ZFHX3: variants seen among roughly 807,000 people sequenced by gnomAD.
The protein encoded by ZFHX3 is zinc finger homeobox 3.
Under a neutral mutation model 279.1 loss-of-function variants are expected in ZFHX3, and 42 were observed. The ratio of observed to expected loss-of-function variants is 0.15; its 90% CI spans 0.12 to 0.19. The LOEUF is 0.19. Among genes scored for constraint, ZFHX3 ranks in the 10% least tolerant of loss-of-function variants. The pLI, the probability that ZFHX3 is intolerant of heterozygous loss-of-function variation, is 1.00. For missense variants in ZFHX3, 4,981 were observed against 4,754.0 expected, an observed-to-expected ratio of 1.05 and a Z score of -1.40; for synonymous variants, 2,293 against 1,957.8, an observed-to-expected ratio of 1.17 and a Z score of -4.52.
At chr16:73,104,221 G>GTATGTATGTATGTATTTATT (rs57972353) in intron 7 of ZFHX3, among the ~76,000 whole-genome samples, 53 of 151,624 alleles carry the variant, frequency 3.5e-4, no homozygotes, top group African/African-American at 1.2e-3. Context: ...TTTATTTTAT[G>GTATGTATGTATGTATTTATT]TATTTATTTA....
chr16:73,141,129 C>T (rs943481870), intron 6 of ZFHX3, among the ~76,000 whole-genome samples: 3 of 152,148 alleles, frequency 2.0e-5, no homozygotes, highest in Admixed American at 6.5e-5. Flanking sequence ...TATAATACCA[C>T]GCCTATGACC....
chr16:73,184,464 T>C (rs561076478), intron 5 of ZFHX3, among the ~76,000 whole-genome samples: 1 of 152,332 alleles, frequency 6.6e-6, no homozygotes, highest in East Asian at 1.9e-4. Context: ...TGTTTATGGC[T>C]TGGCTGCTTC....
At chr16:73,402,897 T>TA (rs67673404) in intron 3 of ZFHX3, among the ~76,000 whole-genome samples, 119 of 141,910 alleles carry the variant, frequency 8.4e-4, no homozygotes, top group East Asian at 2.7e-3. Context: ...ATATGGAAAA[T>TA]AAAAAAAAAA....
intron 1 of ZFHX3, among the ~76,000 whole-genome samples, chr16:72,971,878 A>C (rs970710049): frequency 2.1e-5 from 2 of 95,466 alleles, no homozygotes; most frequent in African/African-American, 8.9e-5. Flanking sequence ...CTGCCTATTA[A>C]TTTTTTTTTT....
chr16:73,787,034 T>A (rs150130350), intron 1 of ZFHX3, among the ~76,000 whole-genome samples: 1 of 152,354 alleles, frequency 6.6e-6, no homozygotes, highest in African/African-American at 2.4e-5. Context: ...ATTTCTTTTG[T>A]GCCATAATTT....
At chr16:72,843,896 T>C (rs2037412096) in intron 4 of ZFHX3, among the ~76,000 whole-genome samples, 1 of 152,182 alleles carries the variant, frequency 6.6e-6, no homozygotes, top group Admixed American at 6.5e-5. Context: ...GCCAATCCTG[T>C]TTCCAGGCAC....
chr16:73,723,288 A>T (rs1214742319), intron 1 of ZFHX3, among the ~76,000 whole-genome samples: 5 of 152,226 alleles, frequency 3.3e-5, no homozygotes, highest in Non-Finnish European at 7.3e-5. Flanking sequence ...AACAAAAAAA[A>T]GGCATAAGAA....
chr16:73,289,408 A>G (rs2014713241), intron 4 of ZFHX3, among the ~76,000 whole-genome samples: 1 of 152,072 alleles, frequency 6.6e-6, no homozygotes, highest in East Asian at 1.9e-4. Flanking sequence ...GGGTGACTCA[A>G]AACAGCATCT....
intron 2 of ZFHX3, among the ~76,000 whole-genome samples, chr16:73,559,817 G>GCTGGACAATTTTCCATTGTC (rs1281816227): frequency 1.3e-5 from 2 of 152,160 alleles, no homozygotes; most frequent in African/African-American, 2.4e-5. Flanking sequence ...AAATCATTAA[G>GCTGGACAATTTTCCATTGTC]CAGCAGCATC....
At chr16:73,012,695 A>C (rs1849942617) in intron 1 of ZFHX3, among the ~76,000 whole-genome samples, 1 of 152,234 alleles carries the variant, frequency 6.6e-6, no homozygotes, top group African/African-American at 2.4e-5. Context: ...ATTTGATAGA[A>C]GTATTTTCCA....
At chr16:73,296,879 T>TTTTTTTTTTG (rs2014927985) in intron 4 of ZFHX3, among the ~76,000 whole-genome samples, 2 of 38,606 alleles carry the variant, frequency 5.2e-5, no homozygotes, top group African/African-American at 1.2e-4. Flanking sequence ...AAGCAGGAAT[T>TTTTTTTTTTG]TTTTTTTTTT....
chr16:72,946,185 G>C (rs1670488067), intron 3 of ZFHX3, among the ~76,000 whole-genome samples: 1 of 152,116 alleles, frequency 6.6e-6, no homozygotes. Context: ...CCTCTATGTG[G>C]AGAATCTGGC....
chr16:73,628,651 CT>C (rs1339700570), intron 2 of ZFHX3, among the ~76,000 whole-genome samples: 1 of 152,200 alleles, frequency 6.6e-6, no homozygotes, highest in Non-Finnish European at 1.5e-5. Context: ...ACTTGTGTCT[CT>C]TTTAATTGTT....
intron 2 of ZFHX3, among the ~76,000 whole-genome samples, chr16:73,511,816 TTGAAACC>T (rs2019433116): frequency 6.6e-6 from 1 of 152,156 alleles, no homozygotes; most frequent in African/African-American, 2.4e-5. Context: ...GAATGAGACT[TTGAAACC>T]TGAAATTCAA....
intron 5 of ZFHX3, among the ~76,000 whole-genome samples, chr16:73,161,661 G>A (rs1005954059): frequency 1.3e-5 from 2 of 152,060 alleles, no homozygotes; most frequent in African/African-American, 4.8e-5. Context: ...ACCACCTCTC[G>A]GCCCCTTCTA....
At chr16:73,197,868 A>G (rs1968182986) in intron 5 of ZFHX3, among the ~76,000 whole-genome samples, 1 of 150,308 alleles carries the variant, frequency 6.7e-6, no homozygotes, top group Admixed American at 6.6e-5. Context: ...CAGTGTTCCA[A>G]ATGTACTTGG....
chr16:73,237,405 C>A (rs1435411251), intron 5 of ZFHX3, among the ~76,000 whole-genome samples: 1 of 152,000 alleles, frequency 6.6e-6, no homozygotes, highest in African/African-American at 2.4e-5. Context: ...ACCACTATGC[C>A]CAGCTAATTT....
intron 3 of ZFHX3, among the ~76,000 whole-genome samples, chr16:73,327,857 G>C (rs2015724399): frequency 6.6e-6 from 1 of 152,166 alleles, no homozygotes; most frequent in Non-Finnish European, 1.5e-5. Context: ...GGGACTCTGA[G>C]GACCTTGATG....
rs556074896 is a variant in ZFHX3, at chr16:73,694,854, C to A, written c.-1607-14614G>T. On this transcript the variant is annotated intron_variant, in intron 1 of 17. Transcript: ENST00000641206. Reference sequence around the variant, plus strand: ...AAGCTCTCCAAAATACAAAGTCAACCTGACAGTGACAAATATGAAGCAAAA... The same window carrying A: ...AAGCTCTCCAAAATACAAAGTCAACATGACAGTGACAAATATGAAGCAAAA... Among the ~76,000 whole-genome samples, 21 of 152,294 alleles carry A rather than the reference C, an allele frequency of 1.4e-4. No homozygotes were observed. The South Asian group carries it at 3.3e-3, about 24-fold the overall frequency.
Sources: allele counts gnomAD v4.1 joint callset (sites outside exome capture counted in the v4.1 genomes callset), GRCh38; gene constraint gnomAD v4.1.1; transcripts MANE v1.5; gene names NCBI Gene and HGNC (gene_info 2026-07-23, HGNC 2026-07-21).